The following CUL2 variants were observed in gnomAD, a reference collection of about 807,000 sequenced individuals.
The protein encoded by CUL2 is cullin-2.
In CUL2, 22 loss-of-function variants were observed where a neutral mutation model predicts 110.2. The ratio of observed to expected loss-of-function variants is 0.20; its 90% CI spans 0.14 to 0.28. CUL2 has a LOEUF of 0.28. Ranked by LOEUF, CUL2 falls within the 10% of genes least tolerant of loss-of-function variation. CUL2 has a pLI of 1.00. For missense variants in CUL2, 631 were observed against 905.5 expected, an observed-to-expected ratio of 0.70 and a Z score of 3.89; for synonymous variants, 279 against 293.2, an observed-to-expected ratio of 0.95 and a Z score of 0.49.
chr10:35,031,869 G>A lies in CUL2; in HGVS notation c.1171-250C>T, dbSNP rs530424369. Among the ~76,000 whole-genome samples, 1 of 152,256 alleles carries A rather than the reference G, an allele frequency of 6.6e-6. No homozygotes were observed. Among genetic ancestry groups the A allele is most frequent in the Non-Finnish European group, 1.5e-5 (1 of 68,026 alleles). On this transcript the variant is annotated intron_variant, in intron 12 of 20. Transcript: ENST00000374749. The surrounding 1 kb of genome is among the most constrained non-coding windows in gnomAD (Gnocchi z 4.4). ...CCCAAGTAGTTGGGACTACAGGCAT[G>A]CACAACCACACCAGGCTTCTAAAGC...
At chr10:35,117,405 T>C (rs1000247867) in intron 1 of CUL2, among the ~76,000 whole-genome samples, 1 of 152,112 alleles carries the variant, frequency 6.6e-6, no homozygotes, top group Non-Finnish European at 1.5e-5. Context: ...TGGCATTTTA[T>C]TTTTTGTAGA....
At chr10:35,012,920 A>G (rs554875807) in intron 19 of CUL2, among the ~76,000 whole-genome samples, 47 of 152,264 alleles carry the variant, frequency 3.1e-4, no homozygotes, top group Non-Finnish European at 5.6e-4. Context: ...CCCTCCTCAC[A>G]CTGGCCTGTC....
chr10:35,072,838 T>C (rs2031117716), intron 1 of CUL2, among the ~76,000 whole-genome samples: 1 of 152,216 alleles, frequency 6.6e-6, no homozygotes, highest in African/African-American at 2.4e-5. Context: ...GCCTCCCTCA[T>C]GTCTCCCCTT....
At position 35,044,660 on chromosome 10, in the gene CUL2, A is replaced by C; in HGVS notation, c.620T>G (p.Phe207Cys). ...KFPLKFYQEI[F>C]ESPFLTETGE... ...TGTTTCAGTCAGAAAGGGAGACTCA[A>C]AAATTTCCTGATAAAACTGAATAAA... The change falls in exon 8 of 21, where the codon TTT becomes TGT. Residue 207 changes from phenylalanine (F) to cysteine (C), a missense_variant. By Grantham distance (205) the Phe-to-Cys change is radical. This residue lies in a region of CUL2 where 338 missense variants were observed against 442.5 expected (regional missense o/e 0.76). Transcript: ENST00000374749. 1 of 1,608,304 alleles carries C rather than the reference A, an allele frequency of 6.2e-7. No homozygotes were observed. Among genetic ancestry groups the C allele is most frequent in the South Asian group, 1.1e-5 (1 of 89,528 alleles).
chr10:35,113,181 C>CAAAAAAAAAAAAAAAAAAAAAAAAA (rs71660665), intron 1 of CUL2, among the ~76,000 whole-genome samples: 1 of 36,632 alleles, frequency 2.7e-5, no homozygotes, highest in Non-Finnish European at 4.6e-5. Flanking sequence ...GACTCCATCT[C>CAAAAAAAAAAAAAAAAAAAAAAAAA]AAAAAAAAAA....
upstream of CUL2, among the ~76,000 whole-genome samples, chr10:35,092,103 C>T (rs182458901): frequency 4.3e-4 from 65 of 152,168 alleles, no homozygotes; most frequent in African/African-American, 1.5e-3. Context: ...CAGGCGCGTG[C>T]GCCACCACAC....
At chr10:35,038,179 C>A (rs554368955) in intron 9 of CUL2, among the ~76,000 whole-genome samples, 1 of 150,640 alleles carries the variant, frequency 6.6e-6, no homozygotes, top group African/African-American at 2.4e-5. Context: ...ATAAAATATA[C>A]ATATTTATTA....
chr10:35,110,269 A>G (rs1237183301), intron 1 of CUL2, among the ~76,000 whole-genome samples: 1 of 152,208 alleles, frequency 6.6e-6, no homozygotes, highest in Non-Finnish European at 1.5e-5. Context: ...GGTGGATTAA[A>G]GAATAGAAAT....
intron 1 of CUL2, among the ~76,000 whole-genome samples, chr10:35,087,314 A>G (rs2087088591): frequency 6.6e-6 from 1 of 152,236 alleles, no homozygotes; most frequent in South Asian, 2.1e-4. Flanking sequence ...TTTTTGTTCA[A>G]AACATTAGTA....
intron 1 of CUL2, among the ~76,000 whole-genome samples, chr10:35,081,039 C>A (rs1213180393): frequency 6.6e-6 from 1 of 151,912 alleles, no homozygotes; most frequent in African/African-American, 2.4e-5. Context: ...CATAGACAGA[C>A]CTGGTCTTTA....
chr10:35,072,372 C>CTTT (rs150456156), intron 1 of CUL2, among the ~76,000 whole-genome samples: 1 of 142,932 alleles, frequency 7.0e-6, no homozygotes, highest in Non-Finnish European at 1.5e-5. Context: ...ACTTAATGGG[C>CTTT]TTTTTTTTTT....
Position 35,066,982 on chromosome 10 carries a change from G to A in CUL2, c.120-3920C>T, listed in dbSNP as rs114764539. Among the ~76,000 whole-genome samples the A allele has an allele frequency of 5.1e-3, 783 of 152,082 alleles. 8 individuals are homozygous for A. Among genetic ancestry groups the A allele is most frequent in the African/African-American group, 0.017 (689 of 41,496 alleles). On this transcript the variant is annotated intron_variant, in intron 2 of 20. Coordinates refer to ENST00000374749, the MANE Select transcript of CUL2 (RefSeq NM_003591.4). ...TGGTCTATGTTTGAAAGAGATGCCT[G>A]ATAGAATATAAACTAGAAATGATAG...
chr10:35,066,176 A>C (rs1328527368), intron 2 of CUL2, among the ~76,000 whole-genome samples: 1 of 152,210 alleles, frequency 6.6e-6, no homozygotes, highest in Non-Finnish European at 1.5e-5. Context: ...TGGGTCAAAA[A>C]CAATGAGAGT....
chr10:35,085,750 C>A (rs1270140027), intron 1 of CUL2, among the ~76,000 whole-genome samples: 2 of 148,086 alleles, frequency 1.4e-5, no homozygotes, highest in African/African-American at 5.0e-5. Flanking sequence ...TGCTTTCAAT[C>A]ACAGCCAGAC....
At chr10:35,026,689 A>G (rs960290014) in intron 16 of CUL2, among the ~76,000 whole-genome samples, 6 of 152,310 alleles carry the variant, frequency 3.9e-5, no homozygotes, top group East Asian at 3.9e-4. Flanking sequence ...GTCAAGAACA[A>G]ACAGACTCCA....
At chr10:35,044,114 T>C (rs1291246397) in intron 8 of CUL2, among the ~76,000 whole-genome samples, 1 of 149,424 alleles carries the variant, frequency 6.7e-6, no homozygotes, top group East Asian at 2.0e-4. Context: ...TTCAAGAACT[T>C]AACAGACCAA....
At chr10:35,124,126 G>T (rs1032201563) in intron 1 of CUL2, among the ~76,000 whole-genome samples, 3 of 152,176 alleles carry the variant, frequency 2.0e-5, no homozygotes, top group African/African-American at 7.2e-5. Flanking sequence ...GAAGCTGAAT[G>T]AGCTATGATT....
intron 1 of CUL2, among the ~76,000 whole-genome samples, chr10:35,103,364 G>A (rs1050198763): frequency 2.3e-5 from 3 of 130,844 alleles, no homozygotes; most frequent in Admixed American, 9.7e-5. Context: ...TCGCTCTGTC[G>A]CCCAGGCTGG....
intron 1 of CUL2, among the ~76,000 whole-genome samples, chr10:35,108,652 C>G (rs940458334): frequency 6.6e-6 from 1 of 152,130 alleles, no homozygotes; most frequent in East Asian, 1.9e-4. Context: ...TTCTTTGGGT[C>G]AGATTTGGGA....
Sources: gnomAD v4.1 joint callset for allele counts (sites outside exome capture counted in the v4.1 genomes callset) on GRCh38, gnomAD v4.1.1 for gene constraint, gnomAD v4.1.1 regional missense constraint, Gnocchi (gnomAD v3.1) non-coding constraint, MANE v1.5 for transcripts, NCBI Gene and HGNC (gene_info 2026-07-23, HGNC 2026-07-21) for gene names.